Variants in CTH observed in about 807,000 individuals in gnomAD.
The protein encoded by CTH is cystathionase (cystathionine gamma-lyase).
Under a neutral mutation model 50.6 loss-of-function variants are expected in CTH, and 41 were observed. The ratio of observed to expected loss-of-function variants is 0.81; its 90% CI spans 0.63 to 1.05. CTH has a LOEUF of 1.05. CTH is among the 50% of genes least tolerant of loss of function. CTH has a pLI of 0.00. For missense variants in CTH, 470 were observed against 492.6 expected, an observed-to-expected ratio of 0.95 and a Z score of 0.43; for synonymous variants, 156 against 168.9, an observed-to-expected ratio of 0.92 and a Z score of 0.59.
rs779620040 is a variant in CTH at position 70,432,229 on chromosome 1, T to A, written c.871T>A (p.Tyr291Asn). The stretch of plus-strand genomic sequence containing the variant: ...TAATCCTTGGGTAGAAAAGGTTATT[T>A]ATCCTGGTATGTTAATTTGATTTCT... Reference protein sequence around the residue: ...ESNPWVEKVIYPGLPSHPQHE... With the variant: ...ESNPWVEKVINPGLPSHPQHE... Residue 291 changes from tyrosine to asparagine, a missense_variant, in exon 8 of 12, where the codon TAT becomes AAT. Tyr to Asn is a moderately radical substitution (Grantham distance 143). Coordinates refer to ENST00000370938, the MANE Select transcript of CTH (RefSeq NM_001902.6). The A allele has an allele frequency of 6.2e-7, 1 of 1,614,170 alleles. No individual in the cohort carries two copies. Among genetic ancestry groups the A allele is most frequent in the South Asian group, 1.1e-5 (1 of 91,088 alleles).
intron 4 of CTH, among the ~76,000 whole-genome samples, chr1:70,422,690 C>A (rs889863902): frequency 6.6e-6 from 1 of 150,614 alleles, no homozygotes; most frequent in African/African-American, 2.5e-5. Context: ...CAGCTCACTG[C>A]AAGCTCTGCC....
chr1:70,439,135 G>C lies in CTH; in HGVS notation c.*8G>C. The C allele has an allele frequency of 6.2e-7, 1 of 1,611,030 alleles. No individual in the cohort carries two copies. Among genetic ancestry groups the C allele is most frequent in the South Asian group, 1.1e-5 (1 of 91,002 alleles). ...AGTGGAAGTCACAGCTAGTATTCCA[G>C]AGCTGCTATTAGAAGCTGCTTCCTG... is the stretch of plus-strand genomic sequence containing the variant. On this transcript the variant is annotated 3_prime_UTR_variant, in exon 12 of 12. Transcript: ENST00000370938.
chr1:70,421,846 G>A (rs996987935), intron 4 of CTH, among the ~76,000 whole-genome samples, 171 bp downstream of exon 4: 2 of 152,170 alleles, frequency 1.3e-5, no homozygotes, highest in Non-Finnish European at 2.9e-5. Context: ...ATAGCATAAT[G>A]GTAGTACATG....
In CTH at chr1:70,433,964, T is replaced by C. The variant is rs1264742016; in HGVS notation, c.999+15T>C. The C allele has an allele frequency of 1.2e-6, 2 of 1,613,388 alleles. No homozygotes were observed. Among genetic ancestry groups the C allele is most frequent in the East Asian group, 2.2e-5 (1 of 44,840 alleles). Reference sequence around the variant, plus strand: ...AGAACCTAAAGGTAAACTTACAAAATAGGTTTAAAATTGTAGGAGGTAAGG... The same window carrying C: ...AGAACCTAAAGGTAAACTTACAAAACAGGTTTAAAATTGTAGGAGGTAAGG... On this transcript the variant is annotated intron_variant, in intron 9 of 11. Coordinates refer to ENST00000370938, the MANE Select transcript of CTH (RefSeq NM_001902.6).
In CTH at chr1:70,430,403, TA is replaced by T; in HGVS notation, c.724+14del. ...TCGTTTCTTGCAAAACTGTAAGTAT[TA>T]AAAAGTGCAGGTTCCCTATGACACT... On this transcript the variant is annotated intron_variant, in intron 7 of 11. Transcript: ENST00000370938. 6.9e-7 allele frequency: 1 copy of T among 1,448,704 alleles called. No homozygotes were observed. Among genetic ancestry groups the T allele is most frequent in the Non-Finnish European group, 9.7e-7 (1 of 1,029,488 alleles). 89.7% of individuals were successfully genotyped at this position (1,448,704 alleles called of 1,614,324 possible). A position where few individuals can be genotyped will look rare whatever the true frequency, so the allele number is the denominator to read the frequency against.
intron 3 of CTH, among the ~76,000 whole-genome samples, chr1:70,418,723 G>A (rs1684149716): frequency 6.6e-6 from 1 of 152,142 alleles, no homozygotes; most frequent in Non-Finnish European, 1.5e-5. Flanking sequence ...ACTCTCAAGA[G>A]TTCAACCCCA....
At chr1:70,421,763 T>G in intron 4 of CTH, 88 bp downstream of exon 4, 1 of 1,336,696 alleles carries the variant, frequency 7.5e-7, no homozygotes, top group Non-Finnish European at 1.1e-6. Flanking sequence ...TAATTTAATG[T>G]GAATAACAAA....
intron 5 of CTH, among the ~76,000 whole-genome samples, chr1:70,429,270 C>T (rs75925846): frequency 1.3e-5 from 2 of 152,066 alleles, no homozygotes; most frequent in Non-Finnish European, 2.9e-5. Context: ...GGATGTGAAA[C>T]CCACACATAG....
In CTH at chr1:70,421,653, C is replaced by T. The variant is rs1470538943; in HGVS notation, c.434C>T (p.Ala145Val). Residue 145 changes from alanine to valine, a missense_variant, in exon 4 of 12, where the codon GCA (alanine) becomes GTA (valine). Coordinates refer to ENST00000370938, the MANE Select transcript of CTH (RefSeq NM_001902.6). ...VDCSKIKLLE[A>V]AITPETKLVW... ...TGTTCCAAAATCAAATTACTAGAGG[C>T]AGCAATTACACCAGAAACCAAGGTA... is the stretch of plus-strand genomic sequence containing the variant. 6 of 1,613,800 alleles carry T rather than the reference C, an allele frequency of 3.7e-6. No homozygotes were observed. Among genetic ancestry groups the T allele is most frequent in the Non-Finnish European group, 1.7e-6 (2 of 1,179,910 alleles).
rs1407564807 is a variant in CTH at position 70,439,376 on chromosome 1, G to A, written c.*249G>A. ...TTGCTCTATGTTTGCCTCTGAAGGA[G>A]GTGAGATTTGTGCTACTTTGGGAGA... On this transcript the variant is annotated 3_prime_UTR_variant, in exon 12 of 12. Transcript: ENST00000370938. 4 of 497,492 alleles carry A rather than the reference G, an allele frequency of 8.0e-6. No individual in the cohort carries two copies. Among genetic ancestry groups the A allele is most frequent in the Non-Finnish European group, 1.1e-5 (3 of 280,310 alleles). The allele number at this position is 497,492 out of a possible 1,614,324, so 30.8% of individuals were successfully genotyped here.
chr1:70,429,067 T>C (rs1427951495), intron 5 of CTH, among the ~76,000 whole-genome samples: 2 of 152,002 alleles, frequency 1.3e-5, no homozygotes, highest in Non-Finnish European at 2.9e-5. Flanking sequence ...ATTACAGGAG[T>C]GAGCCATTCT....
chr1:70,431,651 C>T (rs1466227426), intron 7 of CTH, among the ~76,000 whole-genome samples: 1 of 152,138 alleles, frequency 6.6e-6, no homozygotes, highest in Non-Finnish European at 1.5e-5. Flanking sequence ...CATGTGAAAT[C>T]ATTGACCGCT....
At chr1:70,417,009 C>T (rs1280856151) in intron 2 of CTH, among the ~76,000 whole-genome samples, 2 of 152,088 alleles carry the variant, frequency 1.3e-5, no homozygotes, top group African/African-American at 2.4e-5. Context: ...TGCTTATCCT[C>T]TGGTTTATTC....
In CTH at chr1:70,424,140, G is replaced by T. The variant is rs1684290716; in HGVS notation, c.457-145G>T. The stretch of plus-strand genomic sequence containing the variant: ...ACGGCTTCAGAAATTTGCAGGTAAG[G>T]CTGGGATTCAGATTTGAACCTCCCA... On this transcript the variant is annotated intron_variant, in intron 4 of 11. Transcript: ENST00000370938. The T allele has an allele frequency of 3.4e-6, 5 of 1,466,864 alleles. 1 individual carries two copies. In the South Asian group the frequency reaches 3.7e-5, roughly 11 times the overall value. 90.9% of individuals were successfully genotyped at this position (1,466,864 alleles called of 1,614,324 possible). A position where few individuals can be genotyped will look rare whatever the true frequency, so the allele number is the denominator to read the frequency against.
chr1:70,421,564 A>G lies in CTH; in HGVS notation c.347-2A>G. 1 of 1,613,438 alleles carries G rather than the reference A, an allele frequency of 6.2e-7. No homozygotes were observed. The highest frequency in any genetic ancestry group is 8.5e-7 in the Non-Finnish European group (1 of 1,179,516). On this transcript the variant is annotated splice_acceptor_variant, in intron 3 of 11. Transcript: ENST00000370938. LOFTEE classifies it high-confidence loss of function. ...ATTTTATCTGATTCCCTTCTGTCTC[A>G]GGTACAAACAGGTACTTCAGGCAAG...
In CTH at chr1:70,432,370, A is replaced by G. The variant is rs1312787117; in HGVS notation, c.877+135A>G. ...TGTTCATTTATTATTGAGCACTGCCATGTGTCAGGCTCTGTGGTGGGTCAG... is the reference window on the plus strand; with the variant it reads ...TGTTCATTTATTATTGAGCACTGCCGTGTGTCAGGCTCTGTGGTGGGTCAG... On this transcript the variant is annotated intron_variant, in intron 8 of 11. Transcript: ENST00000370938. 12 of 1,055,874 alleles carry G rather than the reference A, an allele frequency of 1.1e-5. No individual in the cohort carries two copies. The East Asian group carries it at 2.6e-4, about 23-fold the overall frequency. 65.4% of individuals were successfully genotyped at this position (1,055,874 alleles called of 1,614,324 possible).
At chr1:70,436,707 A>T (rs1684606632) in intron 10 of CTH, among the ~76,000 whole-genome samples, 1 of 152,136 alleles carries the variant, frequency 6.6e-6, no homozygotes, top group South Asian at 2.1e-4. Flanking sequence ...GACTTGAAAT[A>T]ATTCATGTAA....
chr1:70,423,744 G>A (rs1213892334), intron 4 of CTH, among the ~76,000 whole-genome samples: 1 of 152,136 alleles, frequency 6.6e-6, no homozygotes, highest in South Asian at 2.1e-4. Flanking sequence ...CACGTTTTCT[G>A]TTGTGGGTGT....
At chr1:70,422,285 G>A (rs1684242970) in intron 4 of CTH, among the ~76,000 whole-genome samples, 1 of 152,140 alleles carries the variant, frequency 6.6e-6, no homozygotes, top group Non-Finnish European at 1.5e-5. Flanking sequence ...AAATTTGTAT[G>A]CCACCGGAAG....
Sources: allele counts gnomAD v4.1 joint callset (sites outside exome capture counted in the v4.1 genomes callset), GRCh38; gene constraint gnomAD v4.1.1; transcripts MANE v1.5; gene names NCBI Gene and HGNC (gene_info 2026-07-23, HGNC 2026-07-21).